Variants in PKHD1 observed in about 807,000 individuals in gnomAD.
PKHD1 encodes PKHD1 ciliary IPT domain containing fibrocystin/polyductin, also known as fibrocystin.
PKHD1 carries 291 observed loss-of-function variants against 412.0 expected under a neutral mutation model. That is an observed-to-expected ratio of 0.71 (90% confidence interval 0.64 to 0.78). The LOEUF is 0.78. PKHD1 is among the 30% of genes least tolerant of loss of function. The probability of loss-of-function intolerance (pLI) is 0.00; values close to 1 mark genes in which losing one functional copy is unlikely to be tolerated. For synonymous variants in PKHD1, 1,777 were observed against 1,821.5 expected (o/e 0.98, Z 0.62); for missense variants, 4,825 against 4,950.7 (o/e 0.97, Z 0.76).
At chr6:52,051,637 A>G (rs1806861518) in intron 21 of PKHD1, among the ~76,000 whole-genome samples, 1 of 152,196 alleles carries the variant, frequency 6.6e-6, no homozygotes, top group Non-Finnish European at 1.5e-5. Flanking sequence ...GAGGGCAGTA[A>G]GAAAAAGTTC....
chr6:51,807,485 A>ATATATGTGTGTGTG lies in PKHD1; in HGVS notation c.8303-16113_8303-16112insCACACACACATATA, dbSNP rs765667001. On this transcript the variant is annotated intron_variant, in intron 52 of 66. Coordinates refer to ENST00000371117, the MANE Select transcript of PKHD1 (RefSeq NM_138694.4). ...TATATATATATATATATATATGTAT[A>ATATATGTGTGTGTG]TGTGTGTGTGTGTGTGTGTGTGTGT... Among the ~76,000 whole-genome samples the ATATATGTGTGTGTG allele has an allele frequency of 1.2e-3, 136 of 111,754 alleles. 1 individual carries two copies. Among genetic ancestry groups the ATATATGTGTGTGTG allele is most frequent in the African/African-American group, 4.3e-3 (110 of 25,794 alleles). 73.3% of individuals were successfully genotyped at this position (111,754 alleles called of 152,430 possible).
intron 34 of PKHD1, among the ~76,000 whole-genome samples, chr6:52,013,575 A>AAATATAAGCATATATATATGC (rs1353621216): frequency 2.6e-5 from 4 of 152,216 alleles, no homozygotes; most frequent in Non-Finnish European, 5.9e-5. Flanking sequence ...ATTTAAATAT[A>AAATATAAGCATATATATATGC]AATATAAGCA....
At chr6:51,746,226 CTGT>C (rs1785178727) in intron 59 of PKHD1, among the ~76,000 whole-genome samples, 2 of 152,118 alleles carry the variant, frequency 1.3e-5, no homozygotes, top group Non-Finnish European at 2.9e-5. Context: ...TCAGAGATTC[CTGT>C]CAGCAGACAC....
chr6:51,676,481 A>T (rs190915652), intron 60 of PKHD1, among the ~76,000 whole-genome samples: 1 of 152,282 alleles, frequency 6.6e-6, no homozygotes, highest in African/African-American at 2.4e-5. Flanking sequence ...CCATTTTGTA[A>T]TATATTTCAC....
In PKHD1 at chr6:51,959,930, T is replaced by A. The variant is rs754427181; in HGVS notation, c.5848A>T (p.Asn1950Tyr). The A allele has an allele frequency of 6.2e-7, 1 of 1,613,490 alleles. No homozygotes were observed. Among genetic ancestry groups the A allele is most frequent in the Non-Finnish European group, 8.5e-7 (1 of 1,179,570 alleles). ...PQDGDNVTVE[N>Y]GQLLLLDTNT... ...GTGTCCAGCAGAAGCAATTGGCCAT[T>A]CTCCACTGTGACGTTGTCGCCATCT... is the stretch of plus-strand genomic sequence containing the variant. Residue 1950 changes from asparagine (N) to tyrosine (Y), a missense_variant, in exon 36 of 67, where the codon AAT becomes TAT. Transcript: ENST00000371117.
At chr6:51,734,460 A>T (rs1218993617) in intron 60 of PKHD1, among the ~76,000 whole-genome samples, 3 of 152,224 alleles carry the variant, frequency 2.0e-5, no homozygotes, top group African/African-American at 7.2e-5. Flanking sequence ...AGCAAACATT[A>T]ACAAAGCCTA....
intron 52 of PKHD1, among the ~76,000 whole-genome samples, chr6:51,829,273 G>C (rs1398592821): frequency 6.7e-6 from 1 of 148,556 alleles, no homozygotes; most frequent in Non-Finnish European, 1.5e-5. Context: ...AAGAATAGTG[G>C]AGAAAGCCAG....
At chr6:51,944,254 A>G (rs1789078651) in intron 36 of PKHD1, among the ~76,000 whole-genome samples, 1 of 147,878 alleles carries the variant, frequency 6.8e-6, no homozygotes, top group Non-Finnish European at 1.5e-5. Flanking sequence ...CCTACACGCC[A>G]GAGAACAACC....
chr6:51,883,805 CTTAAT>C (rs1777770729), intron 45 of PKHD1, among the ~76,000 whole-genome samples: 1 of 152,126 alleles, frequency 6.6e-6, no homozygotes, highest in East Asian at 1.9e-4. Context: ...GTTTTGGAAG[CTTAAT>C]CCCTGATATA....
intron 36 of PKHD1, among the ~76,000 whole-genome samples, chr6:51,943,342 G>T (rs956033695): frequency 2.5e-4 from 37 of 150,820 alleles, no homozygotes; most frequent in African/African-American, 9.0e-4. Flanking sequence ...CTTTTTATTA[G>T]GCCCCAGTCT....
At chr6:51,901,080 C>G (rs563032630) in intron 43 of PKHD1, among the ~76,000 whole-genome samples, 63 of 151,942 alleles carry the variant, frequency 4.1e-4, no homozygotes, top group African/African-American at 1.5e-3. Flanking sequence ...GGACTGTAAA[C>G]TAGTTCAACC....
At chr6:51,822,854 C>T (rs141827270) in intron 52 of PKHD1, among the ~76,000 whole-genome samples, 37 of 152,124 alleles carry the variant, frequency 2.4e-4, no homozygotes, top group Admixed American at 3.9e-4. Flanking sequence ...TTTTTACAAT[C>T]GATAAATTGT....
At chr6:51,817,863 A>C (rs1292867755) in intron 52 of PKHD1, among the ~76,000 whole-genome samples, 1 of 152,166 alleles carries the variant, frequency 6.6e-6, no homozygotes, top group Non-Finnish European at 1.5e-5. Flanking sequence ...CAGCCCAGAC[A>C]GCCTGGGCAG....
intron 60 of PKHD1, among the ~76,000 whole-genome samples, chr6:51,671,045 G>A (rs940609266): frequency 1.3e-5 from 2 of 151,976 alleles, no homozygotes; most frequent in Non-Finnish European, 2.9e-5. Flanking sequence ...CTCTTCTCGA[G>A]GAGTATCTTT....
intron 46 of PKHD1, among the ~76,000 whole-genome samples, chr6:51,874,553 G>A: frequency 6.6e-6 from 1 of 152,094 alleles, no homozygotes; most frequent in Non-Finnish European, 1.5e-5. Flanking sequence ...GTTTATTTTA[G>A]GATGTGACTC....
intron 64 of PKHD1, among the ~76,000 whole-genome samples, chr6:51,633,597 A>C (rs1231437948): frequency 6.6e-6 from 1 of 152,204 alleles, no homozygotes; most frequent in African/African-American, 2.4e-5. Context: ...TAACAACTAG[A>C]ATGAGCATAA....
intron 36 of PKHD1, among the ~76,000 whole-genome samples, chr6:51,953,495 A>G (rs1790674555): frequency 6.6e-6 from 1 of 152,028 alleles, no homozygotes; most frequent in Non-Finnish European, 1.5e-5. Flanking sequence ...ACATTTCTAG[A>G]TAACTGCATT....
At chr6:51,766,569 G>T (rs1789053523) in intron 55 of PKHD1, among the ~76,000 whole-genome samples, 1 of 148,896 alleles carries the variant, frequency 6.7e-6, no homozygotes, top group African/African-American at 2.5e-5. Flanking sequence ...TTTTTTTTGT[G>T]GCTTACATAT....
Position 52,045,765 on chromosome 6 carries a change from C to T in PKHD1, c.2592+239G>A, listed in dbSNP as rs9474135. 3.8e-3 allele frequency among the ~76,000 whole-genome samples: 579 copies of T among 152,270 alleles called. 3 individuals carry two copies. The highest frequency in any genetic ancestry group is 0.013 in the African/African-American group (553 of 41,544). On this transcript the variant is annotated intron_variant, in intron 24 of 66. Coordinates refer to ENST00000371117, the MANE Select transcript of PKHD1 (RefSeq NM_138694.4). ...CATGGTGGACACTGACCAATAACTT[C>T]ACTACCTACACTGAGTTAGGAAGGG...
Sources: allele counts gnomAD v4.1 joint callset (sites outside exome capture counted in the v4.1 genomes callset), GRCh38; gene constraint gnomAD v4.1.1; transcripts MANE v1.5; gene names NCBI Gene and HGNC (gene_info 2026-07-23, HGNC 2026-07-21).